The following TTC39B variants were observed in gnomAD, a reference collection of about 807,000 sequenced individuals.
TTC39B encodes tetratricopeptide repeat protein 39B.
A neutral mutation model predicts 96.6 loss-of-function variants in TTC39B; 92 were observed. That is an observed-to-expected ratio of 0.95 (90% confidence interval 0.80 to 1.13). The LOEUF is 1.13. Among genes scored for constraint, TTC39B ranks in the 50% most tolerant of loss-of-function variants. TTC39B has a pLI of 0.00. For missense variants in TTC39B, 955 were observed against 809.3 expected (o/e 1.18, Z -2.18); for synonymous variants, 367 against 299.4 (o/e 1.23, Z -2.33).
chr9:15,280,562 C>G (rs1365019051), intron 1 of TTC39B, among the ~76,000 whole-genome samples: 1 of 152,172 alleles, frequency 6.6e-6, no homozygotes, highest in Non-Finnish European at 1.5e-5. Context: ...CTGCAGAGTC[C>G]CGCTATCAGC....
chr9:15,177,787 T>G, exon 18 of TTC39B: 1 of 1,609,436 alleles, frequency 6.2e-7, no homozygotes, highest in African/African-American at 1.3e-5. Flanking sequence ...CACTAAGCAC[T>G]CATCATCCAC....
intron 1 of TTC39B, among the ~76,000 whole-genome samples, chr9:15,300,125 C>G (rs1259983043): frequency 6.6e-6 from 1 of 152,130 alleles, no homozygotes; most frequent in Non-Finnish European, 1.5e-5. Flanking sequence ...TAATTCTGCC[C>G]AAATGCATAC....
chr9:15,227,529 A>G (rs1380489556), intron 2 of TTC39B, among the ~76,000 whole-genome samples: 2 of 152,240 alleles, frequency 1.3e-5, no homozygotes, highest in African/African-American at 4.8e-5. Context: ...GGGAGGGAAG[A>G]AAACTCCACA....
chr9:15,279,810 T>C (rs1823685936), intron 1 of TTC39B, among the ~76,000 whole-genome samples: 2 of 152,128 alleles, frequency 1.3e-5, no homozygotes, highest in South Asian at 4.2e-4. Context: ...TCTATTACTA[T>C]TGGTGTCAGG....
chr9:15,287,945 C>CAAAAAAAAAAAAAA (rs762069142), intron 1 of TTC39B, among the ~76,000 whole-genome samples: 2 of 68,950 alleles, frequency 2.9e-5, no homozygotes, highest in African/African-American at 5.9e-5. Flanking sequence ...GACTCCATCT[C>CAAAAAAAAAAAAAA]AAAAAAAAAA....
chr9:15,243,104 C>G lies in TTC39B; in HGVS notation c.276-17092G>C, dbSNP rs1216753612. Among the ~76,000 whole-genome samples the G allele has an allele frequency of 3.3e-5, 5 of 152,298 alleles. No homozygotes were observed. The East Asian group carries it at 9.6e-4, about 29-fold the overall frequency. On this transcript the variant is annotated intron_variant, in intron 2 of 19. Coordinates refer to ENST00000512701, the Ensembl canonical transcript of TTC39B. ...GGGCCCTCTACCAGGCAGCAGTCCC[C>G]AGACAGGGGCCATCTGTACACCACC...
chr9:15,189,651 A>G lies in TTC39B; in HGVS notation c.1174-18T>C. ...AGTGAGCCCTGCAGAGCAAGGAAGAAAACACACTGTTCAACAGTCAACACT... is the reference window on the plus strand; with the variant it reads ...AGTGAGCCCTGCAGAGCAAGGAAGAGAACACACTGTTCAACAGTCAACACT... On this transcript the variant is annotated intron_variant, in intron 12 of 19. Coordinates refer to ENST00000512701, the Ensembl canonical transcript of TTC39B. 6.2e-7 allele frequency: 1 copy of G among 1,614,176 alleles called. No individual in the cohort carries two copies. Among genetic ancestry groups the G allele is most frequent in the South Asian group, 1.1e-5 (1 of 91,080 alleles).
chr9:15,299,015 C>T (rs1824483252), intron 1 of TTC39B, among the ~76,000 whole-genome samples: 2 of 152,286 alleles, frequency 1.3e-5, no homozygotes, highest in South Asian at 4.1e-4. Flanking sequence ...ACTACCCTCT[C>T]TCCCAGGAGA....
rs143504488 is a variant in TTC39B, at chr9:15,236,078, C to G, written c.276-10066G>C. Among the ~76,000 whole-genome samples, 553 of 152,226 alleles carry G rather than the reference C, an allele frequency of 3.6e-3. 4 individuals are homozygous for G. The highest frequency in any genetic ancestry group is 0.013 in the African/African-American group (536 of 41,546). ...CATCTGCTGCCTACAAGTGACCCAC[C>G]TACTGGCTAAAGATACCTTTCGACT... On this transcript the variant is annotated intron_variant, in intron 2 of 19. Transcript: ENST00000512701.
Position 15,179,235 on chromosome 9 carries a change from C to T in TTC39B, c.1724-1421G>A, listed in dbSNP as rs111819145. Among the ~76,000 whole-genome samples the T allele has an allele frequency of 4.3e-3, 658 of 152,184 alleles. 15 individuals are homozygous for T. The highest frequency in any genetic ancestry group is 0.015 in the African/African-American group (622 of 41,508). ...AGTACAACGTTATTCCAAGACAGAA[C>T]GACAATTTACACATTTCAGGCTGTG... On this transcript the variant is annotated intron_variant, in intron 17 of 19. Coordinates refer to ENST00000512701, the Ensembl canonical transcript of TTC39B.
At chr9:15,251,702 T>TAC (rs1213790786) in intron 2 of TTC39B, among the ~76,000 whole-genome samples, 22 of 21,728 alleles carry the variant, frequency 1.0e-3, no homozygotes, top group African/African-American at 7.8e-3. Context: ...TACATATACA[T>TAC]ATATATATAT....
chr9:15,213,509 G>A (rs1167263783), intron 4 of TTC39B, among the ~76,000 whole-genome samples: 3 of 152,150 alleles, frequency 2.0e-5, no homozygotes, highest in African/African-American at 4.8e-5. Context: ...AGTAAGGAAC[G>A]AGATTGCCGA....
At chr9:15,268,147 T>G (rs868346346) in intron 1 of TTC39B, among the ~76,000 whole-genome samples, 199 bp from the exon 2 acceptor site, 1 of 150,288 alleles carries the variant, frequency 6.7e-6, no homozygotes, top group Non-Finnish European at 1.5e-5. Context: ...TGACGTTTAA[T>G]TTTTTTTTTA....
chr9:15,168,183 C>T (rs889637010), exon 20 of TTC39B: 4 of 152,144 alleles, frequency 2.6e-5, no homozygotes, highest in African/African-American at 9.7e-5. Flanking sequence ...TGCTGTAAGC[C>T]ATTCCGGGTG....
rs1817532208 is a variant in TTC39B at position 15,166,993 on chromosome 9, TATATATATATATATATATATATA to T, written c.*5003_*5025del. 1.4e-3 allele frequency: 7 copies of T among 5,130 alleles called. 1 individual carries two copies. The highest frequency in any genetic ancestry group is 0.01 in the East Asian group (1 of 96). The allele number at this position is 5,130 out of a possible 1,614,324, so 0.3% of individuals were successfully genotyped here. A position where few individuals can be genotyped will look rare whatever the true frequency, so the allele number is the denominator to read the frequency against. On this transcript the variant is annotated 3_prime_UTR_variant, in exon 20 of 20. Coordinates refer to ENST00000512701, the Ensembl canonical transcript of TTC39B. ...CACAAACCTTTATTTTATATATATA[TATATATATATATATATATATATA>T]TATATATATATATTTTTTTTTTTTT...
At chr9:15,257,876 A>G (rs1020115983) in intron 2 of TTC39B, among the ~76,000 whole-genome samples, 2 of 152,016 alleles carry the variant, frequency 1.3e-5, no homozygotes, top group African/African-American at 4.8e-5. Flanking sequence ...CCTGACTAAC[A>G]TGGAGAAACC....
At chr9:15,253,759 T>C (rs968045278) in intron 2 of TTC39B, among the ~76,000 whole-genome samples, 11 of 152,150 alleles carry the variant, frequency 7.2e-5, no homozygotes, top group African/African-American at 2.7e-4. Flanking sequence ...CTTGTAAGGG[T>C]TTTGTCATAA....
exon 1 of TTC39B, chr9:15,307,102 C>T (rs1269238192): frequency 6.2e-7 from 1 of 1,610,626 alleles, no homozygotes; most frequent in Non-Finnish European, 8.5e-7. Context: ...CTTCCAGCTC[C>T]GCTCGGCTGC....
At chr9:15,225,594 T>G (rs1821077881) in intron 3 of TTC39B, among the ~76,000 whole-genome samples, 1 of 152,124 alleles carries the variant, frequency 6.6e-6, no homozygotes, top group African/African-American at 2.4e-5. Flanking sequence ...TTTTCCCCAA[T>G]GTTTGGCAGT....
Sources: gnomAD v4.1 joint callset for allele counts (sites outside exome capture counted in the v4.1 genomes callset) on GRCh38, gnomAD v4.1.1 for gene constraint, MANE v1.5 for transcripts, NCBI Gene and HGNC (gene_info 2026-07-23, HGNC 2026-07-21) for gene names.